The following GPC5 variants were observed in gnomAD, a reference collection of about 807,000 sequenced individuals.
GPC5 encodes the protein glypican 5, also known as glypican-5.
A neutral mutation model predicts 53.9 loss-of-function variants in GPC5; 47 were observed. That is an observed-to-expected ratio of 0.87 (90% CI 0.69 to 1.11). The LOEUF (loss-of-function observed/expected upper bound fraction) is 1.11, where lower values mean the gene tolerates loss of function less well. Ranked by LOEUF, GPC5 falls within the 50% of genes most tolerant of loss-of-function variation. GPC5 has a pLI of 0.00. For missense variants in GPC5, 748 were observed against 713.1 expected, an observed-to-expected ratio of 1.05 and a Z score of -0.56; for synonymous variants, 286 against 263.3, an observed-to-expected ratio of 1.09 and a Z score of -0.84.
At chr13:92,449,682 T>C (rs1877979932) in intron 7 of GPC5, among the ~76,000 whole-genome samples, 1 of 152,184 alleles carries the variant, frequency 6.6e-6, no homozygotes, top group Non-Finnish European at 1.5e-5. Context: ...CACCAGTTTA[T>C]AGTATTTCAT....
chr13:92,636,971 C>A (rs1235204916), intron 7 of GPC5, among the ~76,000 whole-genome samples: 1 of 152,106 alleles, frequency 6.6e-6, no homozygotes, highest in East Asian at 1.9e-4. Context: ...TTGGAGCCAA[C>A]CTGACTTTCT....
chr13:92,633,715 A>G (rs1474925663), intron 7 of GPC5, among the ~76,000 whole-genome samples: 1 of 151,958 alleles, frequency 6.6e-6, no homozygotes, highest in Non-Finnish European at 1.5e-5. Flanking sequence ...TTCTTTTTAA[A>G]GTTTTTACCT....
chr13:92,033,718 G>T (rs1193566190), intron 6 of GPC5, among the ~76,000 whole-genome samples: 2 of 152,128 alleles, frequency 1.3e-5, no homozygotes, highest in Admixed American at 1.3e-4. Flanking sequence ...GCTTTTAACT[G>T]CCTGATGTTT....
At chr13:91,813,872 C>T (rs543194118) in intron 5 of GPC5, among the ~76,000 whole-genome samples, 1 of 148,412 alleles carries the variant, frequency 6.7e-6, no homozygotes, top group African/African-American at 2.5e-5. Context: ...TTCATGTGTA[C>T]ACTGGTTTTG....
chr13:91,760,918 A>G (rs183620510), intron 5 of GPC5, among the ~76,000 whole-genome samples: 6 of 152,364 alleles, frequency 3.9e-5, no homozygotes, highest in African/African-American at 1.4e-4. Context: ...ACTCTACTGC[A>G]ACACTGAGGT....
At chr13:91,446,860 T>G (rs774242310) in intron 1 of GPC5, among the ~76,000 whole-genome samples, 1 of 152,214 alleles carries the variant, frequency 6.6e-6, no homozygotes, top group African/African-American at 2.4e-5. Flanking sequence ...CAAGGAGAGA[T>G]AAGTCAATCT....
At chr13:92,722,060 T>G (rs1260706045) in intron 7 of GPC5, among the ~76,000 whole-genome samples, 1 of 152,014 alleles carries the variant, frequency 6.6e-6, no homozygotes, top group Non-Finnish European at 1.5e-5. Context: ...TATATCTCAG[T>G]ATAAAATAGA....
In GPC5 at chr13:92,720,302, C is replaced by A. The variant is rs563223483; in HGVS notation, c.1562-145980C>A. ...ATGTATCATCCATATAGGCAGAAAC[C>A]AGTTCATTCAATGAAACTAGACTGA... On this transcript the variant is annotated intron_variant, in intron 7 of 7. Transcript: ENST00000377067. 4.6e-5 allele frequency among the ~76,000 whole-genome samples: 7 copies of A among 152,240 alleles called. No homozygotes were observed. The East Asian group carries it at 1.3e-3, about 29-fold the overall frequency.
intron 7 of GPC5, among the ~76,000 whole-genome samples, chr13:92,545,423 G>A (rs1030446553): frequency 2.0e-5 from 3 of 152,064 alleles, no homozygotes; most frequent in South Asian, 2.1e-4. Context: ...ATAATCCTTT[G>A]GGTATATACC....
At chr13:92,190,080 A>G (rs781416750) in intron 7 of GPC5, among the ~76,000 whole-genome samples, 27 of 152,208 alleles carry the variant, frequency 1.8e-4, no homozygotes, top group Non-Finnish European at 3.4e-4. Flanking sequence ...AAAATCAAAG[A>G]TGAAAAATCT....
chr13:91,861,311 T>TA (rs1594624065), intron 5 of GPC5, among the ~76,000 whole-genome samples: 1 of 152,318 alleles, frequency 6.6e-6, no homozygotes, highest in East Asian at 1.9e-4. Flanking sequence ...AAAGGGATGT[T>TA]AAAATCTTTA....
At chr13:92,070,756 T>C (rs1207850551) in intron 6 of GPC5, among the ~76,000 whole-genome samples, 6 of 152,210 alleles carry the variant, frequency 3.9e-5, no homozygotes, top group Non-Finnish European at 2.9e-5. Context: ...AAATACTTTT[T>C]CTCTGATATC....
chr13:92,126,246 C>T (rs546889191), intron 6 of GPC5, among the ~76,000 whole-genome samples: 12 of 152,130 alleles, frequency 7.9e-5, no homozygotes, highest in African/African-American at 2.6e-4. Context: ...AGCCACCGCA[C>T]CTGGCCAAAA....
intron 7 of GPC5, among the ~76,000 whole-genome samples, chr13:92,491,910 G>A (rs564222044): frequency 1.3e-5 from 2 of 152,160 alleles, no homozygotes; most frequent in Admixed American, 1.3e-4. Flanking sequence ...CTTGTTAACT[G>A]AATTCAGTTG....
At chr13:91,441,759 C>T (rs996661943) in intron 1 of GPC5, among the ~76,000 whole-genome samples, 1 of 152,120 alleles carries the variant, frequency 6.6e-6, no homozygotes, top group Non-Finnish European at 1.5e-5. Flanking sequence ...AAACTCGTCT[C>T]AGTTCTTGGA....
chr13:92,400,306 G>A (rs112014207), intron 7 of GPC5, among the ~76,000 whole-genome samples: 2 of 152,076 alleles, frequency 1.3e-5, no homozygotes, highest in African/African-American at 4.8e-5. Context: ...CTCCCTTTTT[G>A]TTAGAATAAC....
intron 2 of GPC5, among the ~76,000 whole-genome samples, chr13:91,601,373 T>G (rs1451302849): frequency 2.6e-5 from 4 of 152,064 alleles, no homozygotes; most frequent in African/African-American, 9.7e-5. Flanking sequence ...TTGTTAGACA[T>G]AAGATTAGAG....
At chr13:92,031,772 A>C (rs1316454899) in intron 6 of GPC5, among the ~76,000 whole-genome samples, 1 of 105,522 alleles carries the variant, frequency 9.5e-6, no homozygotes, top group Non-Finnish European at 1.7e-5. Context: ...TATTATATAT[A>C]ATATATAATA....
At chr13:92,189,054 G>C (rs2042204126) in intron 7 of GPC5, among the ~76,000 whole-genome samples, 1 of 152,140 alleles carries the variant, frequency 6.6e-6, no homozygotes, top group South Asian at 2.1e-4. Context: ...ATGCATTGCT[G>C]GAGGCTGAAA....
Sources: gnomAD v4.1 joint callset for allele counts (sites outside exome capture counted in the v4.1 genomes callset) on GRCh38, gnomAD v4.1.1 for gene constraint, MANE v1.5 for transcripts, NCBI Gene and HGNC (gene_info 2026-07-23, HGNC 2026-07-21) for gene names.